Variants in PITPNC1 observed in about 807,000 individuals in gnomAD.
PITPNC1 encodes phosphatidylinositol transfer protein cytoplasmic 1, also known as cytoplasmic phosphatidylinositol transfer protein 1.
PITPNC1 carries 18 observed loss-of-function variants against 44.7 expected under a neutral mutation model. That is an observed-to-expected ratio of 0.40 (90% confidence interval 0.28 to 0.60). The LOEUF is 0.60. PITPNC1 is among the 20% of genes least tolerant of loss of function. The probability of loss-of-function intolerance (pLI) is 0.39; values close to 1 mark genes in which losing one functional copy is unlikely to be tolerated. For missense variants in PITPNC1, 290 were observed against 418.4 expected, an observed-to-expected ratio of 0.69 and a Z score of 2.68; for synonymous variants, 141 against 149.6, an observed-to-expected ratio of 0.94 and a Z score of 0.42.
chr17:67,653,422 C>G (rs1289148251), intron 6 of PITPNC1, among the ~76,000 whole-genome samples: 1 of 152,218 alleles, frequency 6.6e-6, no homozygotes, highest in Non-Finnish European at 1.5e-5. Context: ...GAAACAGATT[C>G]CTCCTCACAG....
intron 4 of PITPNC1, among the ~76,000 whole-genome samples, chr17:67,572,505 A>G (rs1275705910): frequency 1.5e-5 from 2 of 133,140 alleles, no homozygotes; most frequent in Non-Finnish European, 3.2e-5. Context: ...GGTGACTTTG[A>G]TGACCACCAT....
chr17:67,472,113 G>A (rs1404204453), intron 1 of PITPNC1, among the ~76,000 whole-genome samples: 3 of 151,620 alleles, frequency 2.0e-5, no homozygotes, highest in Non-Finnish European at 2.9e-5. Flanking sequence ...AATATTAGGG[G>A]GCACATGATA....
chr17:67,520,609 A>T (rs1356972851), intron 1 of PITPNC1, among the ~76,000 whole-genome samples: 1 of 152,164 alleles, frequency 6.6e-6, no homozygotes, highest in Non-Finnish European at 1.5e-5. Flanking sequence ...TGCCTCTAGC[A>T]TCTACAGGGC....
intron 1 of PITPNC1, among the ~76,000 whole-genome samples, chr17:67,419,974 C>T (rs2038647913): frequency 6.6e-6 from 1 of 152,030 alleles, no homozygotes; most frequent in Admixed American, 6.6e-5. Flanking sequence ...AAACCATCCA[C>T]ATCTGTCTAT....
At chr17:67,503,453 C>CA (rs2144073919) in intron 1 of PITPNC1, among the ~76,000 whole-genome samples, 1 of 152,220 alleles carries the variant, frequency 6.6e-6, no homozygotes, top group South Asian at 2.1e-4. Flanking sequence ...AGGGAGGGGG[C>CA]ATTGTTTGTT....
chr17:67,547,187 A>C (rs1188170772), intron 2 of PITPNC1, among the ~76,000 whole-genome samples: 4 of 152,176 alleles, frequency 2.6e-5, no homozygotes, highest in Non-Finnish European at 4.4e-5. Context: ...TGAGAAGAAA[A>C]TTCCAGGACT....
chr17:67,577,771 G>A (rs867338199), intron 4 of PITPNC1, among the ~76,000 whole-genome samples: 2 of 152,142 alleles, frequency 1.3e-5, no homozygotes, highest in African/African-American at 4.8e-5. Flanking sequence ...CCTTGCTAAT[G>A]TTATATGAGC....
In PITPNC1 at chr17:67,508,730, A is replaced by G. The variant is rs1353145065; in HGVS notation, c.49-24072A>G. ...AGGTACCTTCAAGAGGCAAATTCAT[A>G]GAGTCAGAAGGTAGAATGGTGGTTG... On this transcript the variant is annotated intron_variant, in intron 1 of 8. Transcript: ENST00000581322. This position sits in a 1 kb window ranked among gnomAD's most constrained non-coding sequence, Gnocchi z 4.2. Among the ~76,000 whole-genome samples the G allele has an allele frequency of 6.6e-6, 1 of 152,152 alleles. No individual in the cohort carries two copies. The highest frequency in any genetic ancestry group is 1.5e-5 in the Non-Finnish European group (1 of 68,042).
chr17:67,599,016 ATATATATATATATATATATTTT>A (rs1356553461), intron 5 of PITPNC1, among the ~76,000 whole-genome samples: 2 of 33,990 alleles, frequency 5.9e-5, no homozygotes, highest in Non-Finnish European at 1.2e-4. Flanking sequence ...ATATATATAT[ATATATATATATATATATATTTT>A]TTTTTTTTTT....
chr17:67,658,008 A>C (rs2042292815), intron 6 of PITPNC1, among the ~76,000 whole-genome samples: 5 of 152,356 alleles, frequency 3.3e-5, no homozygotes, highest in African/African-American at 9.6e-5. Flanking sequence ...GAAACAAGCC[A>C]AGGGCAGTCC....
intron 1 of PITPNC1, among the ~76,000 whole-genome samples, chr17:67,403,135 A>G (rs1033612324): frequency 6.8e-6 from 1 of 147,852 alleles, no homozygotes; most frequent in Admixed American, 7.0e-5. Context: ...TTGTGCCTGT[A>G]ATCCCAAGGG....
chr17:67,504,197 G>T (rs1156525251), intron 1 of PITPNC1, among the ~76,000 whole-genome samples: 1 of 151,358 alleles, frequency 6.6e-6, no homozygotes, highest in African/African-American at 2.4e-5. Flanking sequence ...AGCCTTCCAG[G>T]AGTCTGTGGC....
chr17:67,647,656 A>T (rs970646323), intron 6 of PITPNC1, among the ~76,000 whole-genome samples: 2 of 151,764 alleles, frequency 1.3e-5, no homozygotes, highest in African/African-American at 4.8e-5. Context: ...TTAGTCACCA[A>T]AGAACCCATC....
intron 1 of PITPNC1, among the ~76,000 whole-genome samples, chr17:67,439,385 G>C (rs1347843761): frequency 6.6e-6 from 1 of 151,692 alleles, no homozygotes; most frequent in Non-Finnish European, 1.5e-5. Context: ...CAAAAGGTTA[G>C]GAATAAAAAG....
At chr17:67,477,920 C>T (rs771296237) in intron 1 of PITPNC1, among the ~76,000 whole-genome samples, 16 of 152,168 alleles carry the variant, frequency 1.1e-4, no homozygotes, top group Non-Finnish European at 2.2e-4. Flanking sequence ...AATGTAGTCA[C>T]CAAGTCAGGC....
chr17:67,407,813 C>CA (rs1381155567), intron 1 of PITPNC1, among the ~76,000 whole-genome samples: 1 of 151,056 alleles, frequency 6.6e-6, no homozygotes, highest in African/African-American at 2.4e-5. Context: ...AAAAGAAAAA[C>CA]AAAAAAAACT....
At chr17:67,410,115 C>T (rs1281615079) in intron 1 of PITPNC1, among the ~76,000 whole-genome samples, 1 of 152,160 alleles carries the variant, frequency 6.6e-6, no homozygotes, top group African/African-American at 2.4e-5. Flanking sequence ...CAGTTTTAAG[C>T]ATTCTGTTTG....
At chr17:67,598,826 G>A (rs1312871696) in intron 5 of PITPNC1, among the ~76,000 whole-genome samples, 2 of 151,360 alleles carry the variant, frequency 1.3e-5, no homozygotes, top group African/African-American at 4.8e-5. Flanking sequence ...CTGAGAGGTG[G>A]AGGTTGCAGT....
chr17:67,619,050 C>G (rs2041797416), intron 5 of PITPNC1, among the ~76,000 whole-genome samples: 1 of 151,994 alleles, frequency 6.6e-6, no homozygotes, highest in Non-Finnish European at 1.5e-5. Context: ...CAGAGTGAGA[C>G]TCTGTCTCAA....
Sources: gnomAD v4.1 joint callset for allele counts (sites outside exome capture counted in the v4.1 genomes callset) on GRCh38, gnomAD v4.1.1 for gene constraint, Gnocchi (gnomAD v3.1) non-coding constraint, MANE v1.5 for transcripts, NCBI Gene and HGNC (gene_info 2026-07-23, HGNC 2026-07-21) for gene names.